USP15: variants seen among roughly 807,000 people sequenced by gnomAD.
The protein encoded by USP15 is ubiquitin specific peptidase 15.
Under a neutral mutation model 127.1 loss-of-function variants are expected in USP15, and 18 were observed. The observed-to-expected ratio is 0.14, with a 90% CI of 0.10 to 0.21. The LOEUF (loss-of-function observed/expected upper bound fraction) is 0.21, where lower values mean the gene tolerates loss of function less well. Among genes scored for constraint, USP15 ranks in the 10% least tolerant of loss-of-function variants. USP15 has a pLI of 1.00. For synonymous variants in USP15, 364 were observed against 393.7 expected (o/e 0.92, Z 0.89); for missense variants, 805 against 1,159.9 (o/e 0.69, Z 4.44).
intron 21 of USP15, among the ~76,000 whole-genome samples, 169 bp from the exon 22 acceptor site, chr12:62,404,005 CTAATAACGATTCTTTATTA>C (rs892829347): frequency 8.6e-5 from 13 of 151,990 alleles, no homozygotes; most frequent in African/African-American, 3.1e-4. Flanking sequence ...ATTTGTAATT[CTAATAACGATTCTTTATTA>C]GAAATCATCT....
chr12:62,260,495 G>A lies in USP15; in HGVS notation c.81G>A (p.Gly27=), dbSNP rs918845499. The A allele has an allele frequency of 5.2e-6, 8 of 1,551,348 alleles. No homozygotes were observed. Among genetic ancestry groups the A allele is most frequent in the Non-Finnish European group, 7.0e-6 (8 of 1,147,124 alleles). ...TGCTCAAAACCTCGCTCCGGAAAGG[G>A]GACACCTGGTAAGAGAAAGGGGTTG... ...ATLLKTSLRK[G]DTWYLVDSRW... is the part of the protein sequence containing the mutation. The change falls in exon 1 of 22, where the codon GGG becomes GGA. Residue 27 remains glycine, a synonymous_variant. Transcript: ENST00000280377.
rs765064503 is a variant in USP15 at position 62,389,644 on chromosome 12, A to G, written c.1597A>G (p.Ile533Val). ...TATATACAATCATAGATTTCACAGA[A>G]TATTCGCTATGGATGAAAACCTTAG... ...TDIYNHRFHR[I>V]FAMDENLSSI... Residue 533 changes from isoleucine (I) to valine (V), a missense_variant, in exon 13 of 22, where the codon ATA becomes GTA. Ile to Val is a conservative substitution (Grantham distance 29). Transcript: ENST00000280377. 1 of 1,613,440 alleles carries G rather than the reference A, an allele frequency of 6.2e-7. No homozygotes were observed. Among genetic ancestry groups the G allele is most frequent in the East Asian group, 2.2e-5 (1 of 44,790 alleles).
chr12:62,301,059 G>A (rs1262750802), intron 2 of USP15, among the ~76,000 whole-genome samples: 5 of 152,050 alleles, frequency 3.3e-5, no homozygotes, highest in African/African-American at 9.7e-5. Context: ...GAAAAAGTAG[G>A]CAAAAGATTT....
Position 62,391,326 on chromosome 12 carries a change from A to G in USP15, c.2130A>G (p.Arg710=). The G allele has an allele frequency of 1.2e-6, 2 of 1,613,570 alleles. No individual in the cohort carries two copies. The highest frequency in any genetic ancestry group is 8.5e-7 in the Non-Finnish European group (1 of 1,179,694). The change falls in exon 16 of 22, where the codon CGA becomes CGG. Residue 710 remains arginine (R), a synonymous_variant. Coordinates refer to ENST00000280377, the MANE Select transcript of USP15 (RefSeq NM_001252078.2). The part of the protein sequence containing the change: ...CKGQLTGHKK[R]LFTFQFNNLG... ...GTCAACTCACGGGACACAAAAAACGATTGTTTACATTCCAGTTCAACAACT... is the reference window on the plus strand; with the variant it reads ...GTCAACTCACGGGACACAAAAAACGGTTGTTTACATTCCAGTTCAACAACT...
intron 8 of USP15, among the ~76,000 whole-genome samples, chr12:62,373,395 C>A (rs536980953): frequency 6.6e-6 from 1 of 151,848 alleles, no homozygotes; most frequent in Non-Finnish European, 1.5e-5. Flanking sequence ...TCATTGAATT[C>A]AAATAGTATG....
chr12:62,377,745 G>A lies in USP15; in HGVS notation c.916-3745G>A, dbSNP rs1198074674. Among the ~76,000 whole-genome samples the A allele has an allele frequency of 2.6e-5, 4 of 151,316 alleles. No homozygotes were observed. In the East Asian group the frequency reaches 5.9e-4, roughly 22 times the overall value. ...CCATCTCCAAAAAAAAAAAGAAACC[G>A]GCTTCTTTTTTCTGCCAGAATGATG... On this transcript the variant is annotated intron_variant, in intron 8 of 21. Transcript: ENST00000280377.
chr12:62,289,697 T>TTG (rs71450579), intron 1 of USP15, among the ~76,000 whole-genome samples: 34,230 of 135,200 alleles, frequency 0.25, 4,413 homozygotes, highest in East Asian at 0.34. Flanking sequence ...GGTTGTTAAT[T>TTG]TGTGTGTGTG....
chr12:62,346,351 A>G (rs1178485735), intron 6 of USP15, among the ~76,000 whole-genome samples: 1 of 152,176 alleles, frequency 6.6e-6, no homozygotes, highest in East Asian at 1.9e-4. Context: ...GATTCATGCT[A>G]AGGTTTCAGC....
At chr12:62,391,952 T>TCA in intron 17 of USP15, 66 bp downstream of exon 17, 1 of 1,426,770 alleles carries the variant, frequency 7.0e-7, no homozygotes, top group Non-Finnish European at 9.6e-7. Context: ...CCAGAGATAA[T>TCA]CATACTGTTG....
chr12:62,281,670 T>G (rs1026620057), intron 1 of USP15, among the ~76,000 whole-genome samples: 3 of 152,090 alleles, frequency 2.0e-5, no homozygotes, highest in African/African-American at 7.2e-5. Flanking sequence ...TTCCTGATGT[T>G]TCATTACCAT....
intron 6 of USP15, among the ~76,000 whole-genome samples, chr12:62,340,365 G>T (rs987877464): frequency 9.9e-5 from 15 of 151,734 alleles, no homozygotes; most frequent in African/African-American, 3.6e-4. Flanking sequence ...TTTTTTGAAG[G>T]GTTCTTCCTG....
At chr12:62,376,987 A>T (rs1370610084) in intron 8 of USP15, among the ~76,000 whole-genome samples, 1 of 152,180 alleles carries the variant, frequency 6.6e-6, no homozygotes, top group Non-Finnish European at 1.5e-5. Context: ...TTCGAGATAG[A>T]TACTTCAGAA....
chr12:62,294,243 A>G lies in USP15; in HGVS notation c.154A>G (p.Lys52Glu). Residue 52 changes from lysine (K) to glutamate (E), a missense_variant, in exon 2 of 22, where the codon AAA becomes GAA. This residue lies in a region of USP15 where 69 missense variants were observed against 126.4 expected (regional missense o/e 0.55). Coordinates refer to ENST00000280377, the MANE Select transcript of USP15 (RefSeq NM_001252078.2). Reference protein sequence around the residue: ...KKYVGFDSWDKYQMGDQNVYP... With the variant: ...KKYVGFDSWDEYQMGDQNVYP... ...ATATGTTGGCTTTGACAGTTGGGAC[A>G]AATACCAGATGGGAGATCAAAATGT... is the stretch of plus-strand genomic sequence containing the variant. The G allele has an allele frequency of 6.2e-7, 1 of 1,613,722 alleles. No individual in the cohort carries two copies. The highest frequency in any genetic ancestry group is 8.5e-7 in the Non-Finnish European group (1 of 1,179,762).
At chr12:62,401,431 G>GC (rs1389198732) in intron 21 of USP15, among the ~76,000 whole-genome samples, 156 bp downstream of exon 21, 1 of 151,884 alleles carries the variant, frequency 6.6e-6, no homozygotes, top group East Asian at 1.9e-4. Context: ...ATGTCAAATT[G>GC]TCCCCTAAAT....
At position 62,410,224 on chromosome 12, in the gene USP15, C is replaced by T. The variant is rs115811405; in HGVS notation, c.*5849C>T. ...GTTTAACTCATTTCCCCAAAAAGAC[C>T]GCGACCTCCAGCCAGTCATTCAGTT... On this transcript the variant is annotated 3_prime_UTR_variant, in exon 22 of 22. Coordinates refer to ENST00000280377, the MANE Select transcript of USP15 (RefSeq NM_001252078.2). 231 of 152,064 alleles carry T rather than the reference C, an allele frequency of 1.5e-3. 1 individual carries two copies. The highest frequency in any genetic ancestry group is 5.2e-3 in the African/African-American group (217 of 41,512). The allele number at this position is 152,064 out of a possible 1,614,324, so 9.4% of individuals were successfully genotyped here.
intron 2 of USP15, among the ~76,000 whole-genome samples, chr12:62,300,292 TA>T (rs1440545007): frequency 6.6e-6 from 1 of 152,174 alleles, no homozygotes; most frequent in Admixed American, 6.5e-5. Context: ...CTGTTACATT[TA>T]CAGCATTGGT....
At chr12:62,280,199 A>G (rs980367778) in intron 1 of USP15, among the ~76,000 whole-genome samples, 1 of 152,202 alleles carries the variant, frequency 6.6e-6, no homozygotes, top group Non-Finnish European at 1.5e-5. Flanking sequence ...TTAATAATAA[A>G]TTAAGCTTAA....
At chr12:62,315,378 G>T (rs956078001) in intron 4 of USP15, among the ~76,000 whole-genome samples, 1 of 151,780 alleles carries the variant, frequency 6.6e-6, no homozygotes, top group Non-Finnish European at 1.5e-5. Context: ...GTAAGCAGTT[G>T]TAAGTCAAAT....
chr12:62,335,947 G>A lies in USP15; in HGVS notation c.683+10014G>A, dbSNP rs1490124071. On this transcript the variant is annotated intron_variant, in intron 6 of 21. Transcript: ENST00000280377. The stretch of plus-strand genomic sequence containing the variant: ...GACCAGTCCTTTGTCTGTCTAGCTC[G>A]GTTCCTCTTTAGGGTTGCCACATTT... The A allele has an allele frequency of 1.9e-5, 19 of 985,142 alleles. 1 individual carries two copies. In the South Asian group the frequency reaches 7.1e-4, roughly 37 times the overall value. The allele number at this position is 985,142 out of a possible 1,614,324, so 61.0% of individuals were successfully genotyped here.
Sources: gnomAD v4.1 joint callset for allele counts (sites outside exome capture counted in the v4.1 genomes callset) on GRCh38, gnomAD v4.1.1 for gene constraint, gnomAD v4.1.1 regional missense constraint, MANE v1.5 for transcripts, NCBI Gene and HGNC (gene_info 2026-07-23, HGNC 2026-07-21) for gene names.